Variants in TMEM132D observed in about 807,000 individuals in gnomAD.
The protein encoded by TMEM132D is transmembrane protein 132D, also known as mature OL transmembrane protein.
A neutral mutation model predicts 62.3 loss-of-function variants in TMEM132D; 21 were observed. The ratio of observed to expected loss-of-function variants is 0.34; its 90% confidence interval spans 0.24 to 0.49. The LOEUF (loss-of-function observed/expected upper bound fraction) is 0.49. Ranked by LOEUF, TMEM132D falls within the 20% of genes least tolerant of loss-of-function variation. TMEM132D has a pLI of 0.99. For missense variants in TMEM132D, 1,346 were observed against 1,402.8 expected (o/e 0.96, Z 0.65); for synonymous variants, 621 against 575.6 (o/e 1.08, Z -1.13).
intron 3 of TMEM132D, among the ~76,000 whole-genome samples, chr12:129,407,882 T>G (rs1310057644): frequency 7.4e-6 from 1 of 136,050 alleles, no homozygotes; most frequent in Non-Finnish European, 1.5e-5. Flanking sequence ...AGAGCGAGAC[T>G]CCGACTCAAA....
At chr12:129,125,263 T>C (rs1055642694) in intron 5 of TMEM132D, among the ~76,000 whole-genome samples, 1 of 152,196 alleles carries the variant, frequency 6.6e-6, no homozygotes, top group African/African-American at 2.4e-5. Context: ...AGAAATTGTG[T>C]GTGATCAGAA....
intron 5 of TMEM132D, among the ~76,000 whole-genome samples, chr12:129,180,847 G>A (rs1398411584): frequency 6.6e-6 from 1 of 152,130 alleles, no homozygotes; most frequent in Non-Finnish European, 1.5e-5. Flanking sequence ...AACGTGGTAC[G>A]AGTCAGGGCC....
At chr12:129,545,841 G>C (rs967745072) in intron 2 of TMEM132D, among the ~76,000 whole-genome samples, 2 of 152,202 alleles carry the variant, frequency 1.3e-5, no homozygotes, top group African/African-American at 4.8e-5. Context: ...ACTCTGGTGA[G>C]AACACTTGGT....
intron 1 of TMEM132D, among the ~76,000 whole-genome samples, chr12:129,734,626 T>C (rs1268866522): frequency 1.3e-5 from 2 of 152,186 alleles, no homozygotes; most frequent in African/African-American, 2.4e-5. Flanking sequence ...TTATATTAGT[T>C]GGACACATTG....
intron 3 of TMEM132D, among the ~76,000 whole-genome samples, chr12:129,496,754 A>C (rs1874970015): frequency 6.6e-6 from 1 of 152,160 alleles, no homozygotes; most frequent in South Asian, 2.1e-4. Flanking sequence ...AGTGAACACT[A>C]CCTATGGACC....
rs963235 is a variant in TMEM132D, at chr12:129,822,782, C to T, written c.79+80479G>A. 1.2e-3 allele frequency among the ~76,000 whole-genome samples: 180 copies of T among 152,248 alleles called. 1 individual carries two copies. In the East Asian group the frequency reaches 0.03, roughly 25 times the overall value. On this transcript the variant is annotated intron_variant, in intron 1 of 8. Coordinates refer to ENST00000422113, the MANE Select transcript of TMEM132D (RefSeq NM_133448.3). Reference sequence around the variant, plus strand: ...CAGATCTTGTGAGAACTCACCATGACGAGCATGGGGAAAATCACCCCCATG... The same window carrying T: ...CAGATCTTGTGAGAACTCACCATGATGAGCATGGGGAAAATCACCCCCATG...
chr12:129,121,679 A>G (rs899139504), intron 5 of TMEM132D, among the ~76,000 whole-genome samples: 1 of 152,180 alleles, frequency 6.6e-6, no homozygotes, highest in Non-Finnish European at 1.5e-5. Flanking sequence ...AATGCAGTCA[A>G]AGGAAACCAA....
At chr12:129,835,092 C>T (rs760237204) in intron 1 of TMEM132D, among the ~76,000 whole-genome samples, 11 of 152,164 alleles carry the variant, frequency 7.2e-5, no homozygotes, top group East Asian at 1.9e-4. Flanking sequence ...TACAAAGACA[C>T]GGGATATTTG....
chr12:129,121,427 T>C (rs1347362861), intron 5 of TMEM132D, among the ~76,000 whole-genome samples: 2 of 152,076 alleles, frequency 1.3e-5, no homozygotes, highest in African/African-American at 4.8e-5. Context: ...AATAGGGAGA[T>C]TAGCCTAAAT....
At chr12:129,875,892 C>T (rs1351996405) in intron 1 of TMEM132D, among the ~76,000 whole-genome samples, 3 of 152,300 alleles carry the variant, frequency 2.0e-5, no homozygotes, top group South Asian at 4.2e-4. Flanking sequence ...CCATCAGCAG[C>T]GGGTGGCTGA....
At chr12:129,177,261 C>T (rs1877931973) in intron 5 of TMEM132D, among the ~76,000 whole-genome samples, 1 of 152,112 alleles carries the variant, frequency 6.6e-6, no homozygotes, top group African/African-American at 2.4e-5. Context: ...CTAATGAATG[C>T]CTAATGAGAT....
intron 2 of TMEM132D, among the ~76,000 whole-genome samples, chr12:129,629,348 T>A (rs1327654516): frequency 1.3e-5 from 2 of 152,238 alleles, no homozygotes; most frequent in African/African-American, 4.8e-5. Context: ...TCAAGATTTT[T>A]ATTCACCATC....
chr12:129,642,105 G>A (rs1276919078), intron 2 of TMEM132D, among the ~76,000 whole-genome samples: 1 of 152,068 alleles, frequency 6.6e-6, no homozygotes, highest in Admixed American at 6.6e-5. Context: ...GCAGCTACAC[G>A]ACCCAGGATT....
rs544040679 is a variant in TMEM132D at position 129,271,431 on chromosome 12, T to A, written c.1300-61768A>T. On this transcript the variant is annotated intron_variant, in intron 4 of 8. Coordinates refer to ENST00000422113, the MANE Select transcript of TMEM132D (RefSeq NM_133448.3). ...ATTTTACTTTGAGTTCTGGGACACA[T>A]GTGCAGAACATGCAGGTTTGTTACA... Among the ~76,000 whole-genome samples, 75 of 151,860 alleles carry A rather than the reference T, an allele frequency of 4.9e-4. 1 individual carries two copies. Among genetic ancestry groups the A allele is most frequent in the African/African-American group, 1.7e-3 (68 of 41,162 alleles).
At chr12:129,649,886 ATG>A (rs549258296) in intron 2 of TMEM132D, among the ~76,000 whole-genome samples, 192 of 149,648 alleles carry the variant, frequency 1.3e-3, no homozygotes, top group African/African-American at 4.1e-3. Flanking sequence ...ATGTGTGTAT[ATG>A]TGTGTTTGTG....
At chr12:129,524,237 A>T (rs1231507222) in intron 3 of TMEM132D, among the ~76,000 whole-genome samples, 3 of 152,186 alleles carry the variant, frequency 2.0e-5, no homozygotes, top group Admixed American at 2.0e-4. Context: ...ATAATAATAA[A>T]AAATAAAAAA....
intron 2 of TMEM132D, among the ~76,000 whole-genome samples, chr12:129,552,870 T>C (rs887703035): frequency 2.6e-5 from 4 of 152,162 alleles, no homozygotes; most frequent in African/African-American, 9.7e-5. Flanking sequence ...CATCTACCTA[T>C]CTATTTATCG....
intron 1 of TMEM132D, among the ~76,000 whole-genome samples, chr12:129,708,841 G>A (rs1857354697): frequency 6.6e-6 from 1 of 152,096 alleles, no homozygotes; most frequent in Non-Finnish European, 1.5e-5. Context: ...TGGAGAGCTG[G>A]TGCTTCAGCT....
chr12:129,696,147 A>G (rs1335251047), intron 2 of TMEM132D, among the ~76,000 whole-genome samples: 4 of 152,206 alleles, frequency 2.6e-5, no homozygotes, highest in African/African-American at 9.7e-5. Flanking sequence ...TCTGGCTACC[A>G]AAACCACCAA....
Sources: allele counts gnomAD v4.1 joint callset (sites outside exome capture counted in the v4.1 genomes callset), GRCh38; gene constraint gnomAD v4.1.1; transcripts MANE v1.5; gene names NCBI Gene and HGNC (gene_info 2026-07-23, HGNC 2026-07-21).